Variants in KLHL11 observed in about 807,000 individuals in gnomAD.
The protein encoded by KLHL11 is kelch like family member 11, also known as kelch-like protein 11.
A neutral mutation model predicts 56.1 loss-of-function variants in KLHL11; 26 were observed. The observed-to-expected ratio is 0.46, with a 90% CI of 0.34 to 0.64. The LOEUF is 0.64. Among genes scored for constraint, KLHL11 ranks in the 30% least tolerant of loss-of-function variants. The pLI is 0.01. For missense variants in KLHL11, 627 were observed against 919.4 expected, an observed-to-expected ratio of 0.68 and a Z score of 4.11; for synonymous variants, 338 against 345.8, an observed-to-expected ratio of 0.98 and a Z score of 0.25.
intron 1 of KLHL11, among the ~76,000 whole-genome samples, chr17:41,862,076 T>C (rs1199903048): frequency 6.6e-6 from 1 of 151,778 alleles, no homozygotes; most frequent in Non-Finnish European, 1.5e-5. Context: ...ATGAGATCAG[T>C]CTCCTCTTTA....
chr17:41,855,340 GA>G lies in KLHL11; in HGVS notation c.546-20del. The G allele has an allele frequency of 6.7e-7, 1 of 1,501,310 alleles. No individual in the cohort carries two copies. Among genetic ancestry groups the G allele is most frequent in the Non-Finnish European group, 9.0e-7 (1 of 1,113,782 alleles). The allele number at this position is 1,501,310 out of a possible 1,614,324, so 93.0% of individuals were successfully genotyped here. A position where few individuals can be genotyped will look rare whatever the true frequency, so the allele number is the denominator to read the frequency against. On this transcript the variant is annotated intron_variant, in intron 1 of 1. Coordinates refer to ENST00000319121, the MANE Select transcript of KLHL11 (RefSeq NM_018143.3). ...TAGGAACCTAAAATCAAGAAAAAGA[GA>G]AAAGATTAATTTTTCAAATGTGCAT...
chr17:41,865,067 C>A lies in KLHL11; in HGVS notation c.304G>T (p.Gly102Trp), dbSNP rs1555623404. 3.1e-6 allele frequency: 5 copies of A among 1,594,250 alleles called. No homozygotes were observed. The highest frequency in any genetic ancestry group is 4.3e-6 in the Non-Finnish European group (5 of 1,168,094). Reference sequence around the variant, plus strand: ...GCCCGGAACTCGCGGCCTCCAGCCCCGCCGAAGCACAGGGTAATGTCGCAG... The same window carrying A: ...GCCCGGAACTCGCGGCCTCCAGCCCAGCCGAAGCACAGGGTAATGTCGCAG... ...LFCDITLCFGGAGGREFRAHR... is the reference protein window; with the variant it reads ...LFCDITLCFGWAGGREFRAHR... Residue 102 changes from glycine (G) to tryptophan (W), a missense_variant, in exon 1 of 2, where the codon GGG becomes TGG. Around this residue, in one of 4 missense-constraint regions of KLHL11, gnomAD observed 150 missense variants for 215.7 expected, o/e 0.70. Transcript: ENST00000319121.
In KLHL11 at chr17:41,853,414, CG is replaced by C; in HGVS notation, c.*325del. 1 of 215,342 alleles carries C rather than the reference CG, an allele frequency of 4.6e-6. No homozygotes were observed. Among genetic ancestry groups the C allele is most frequent in the Non-Finnish European group, 9.1e-6 (1 of 109,642 alleles). 13.3% of individuals were successfully genotyped at this position (215,342 alleles called of 1,614,324 possible). A position where few individuals can be genotyped will look rare whatever the true frequency, so the allele number is the denominator to read the frequency against. On this transcript the variant is annotated 3_prime_UTR_variant, in exon 2 of 2. Coordinates refer to ENST00000319121, the MANE Select transcript of KLHL11 (RefSeq NM_018143.3). ...ATTGGTGCTTAAAGCATGTTCAAAA[CG>C]TAAGTCCTCAAGACAAAGGAGTCAT...
intron 1 of KLHL11, 95 bp from the exon 2 acceptor site, chr17:41,855,416 C>A (rs1379426607): frequency 1.1e-6 from 1 of 905,326 alleles, no homozygotes; most frequent in Non-Finnish European, 1.6e-6. Flanking sequence ...TCTCACTCTG[C>A]CACCCAGGTT....
Position 41,855,015 on chromosome 17 carries a change from G to GT in KLHL11, c.851dup (p.Tyr284Ter), listed in dbSNP as rs1342314025. The GT allele has an allele frequency of 3.1e-6, 5 of 1,613,932 alleles. No individual in the cohort carries two copies. The highest frequency in any genetic ancestry group is 4.2e-6 in the Non-Finnish European group (5 of 1,179,898). ...VQRNAEERER[Y>*]FEELFKLLRL... is the part of the protein sequence containing the mutation. ...TGAGCAATTTAAAAAGTTCTTCAAAGTATCTCTCTCTCTCTTCAGCATTTC... is the reference window on the plus strand; with the variant it reads ...TGAGCAATTTAAAAAGTTCTTCAAAGTTATCTCTCTCTCTCTTCAGCATTTC... The change falls in exon 2 of 2, where the codon TAC becomes TAAC. Residue 284 changes from tyrosine (Y) to a stop codon, truncating the protein, a stop_gained and frameshift_variant. Coordinates refer to ENST00000319121, the MANE Select transcript of KLHL11 (RefSeq NM_018143.3). LOFTEE classifies it high-confidence loss of function.
chr17:41,854,410 G>A lies in KLHL11; in HGVS notation c.1457C>T (p.Ser486Leu), dbSNP rs782685633. ...GACATCTCGAAGAATCTTTGGTGCCGATTCCAAGTTGTGCCATTTATCAAG... is the reference window on the plus strand; with the variant it reads ...GACATCTCGAAGAATCTTTGGTGCCAATTCCAAGTTGTGCCATTTATCAAG... ...PELDKWHNLE[S>L]APKILRDVKA... The change falls in exon 2 of 2, where the codon TCG becomes TTG. Residue 486 changes from serine (S) to leucine (L), a missense_variant. Transcript: ENST00000319121. This position sits in a 1 kb window ranked among gnomAD's most constrained non-coding sequence, Gnocchi z 4.9. 7 of 1,614,066 alleles carry A rather than the reference G, an allele frequency of 4.3e-6. No individual in the cohort carries two copies. In the Admixed American group the frequency reaches 8.3e-5, roughly 19 times the overall value.
At position 41,855,206 on chromosome 17, in the gene KLHL11, C is replaced by T. The variant is rs1555622413; in HGVS notation, c.661G>A (p.Ala221Thr). The change falls in exon 2 of 2, where the codon GCT (alanine) becomes ACT (threonine). Residue 221 changes from alanine to threonine, a missense_variant. By Grantham distance (58) the Ala-to-Thr change is moderately conservative. This residue lies in a region of KLHL11 where 150 missense variants were observed against 215.7 expected (regional missense o/e 0.70). Coordinates refer to ENST00000319121, the MANE Select transcript of KLHL11 (RefSeq NM_018143.3). Reference protein sequence around the residue: ...LAHMYTLSQLALKAADMIRRN... With the variant: ...LAHMYTLSQLTLKAADMIRRN... ...CGTATCATATCAGCAGCCTTCAGAG[C>T]AAGTTGGCTCAGGGTGTACATGTGT... 1.2e-6 allele frequency: 2 copies of T among 1,614,084 alleles called. No individual in the cohort carries two copies. The highest frequency in any genetic ancestry group is 1.7e-5 in the Admixed American group (1 of 60,014).
chr17:41,851,578 G>C lies in KLHL11; in HGVS notation c.*2162C>G, dbSNP rs2048332216. On this transcript the variant is annotated 3_prime_UTR_variant, in exon 2 of 2. Transcript: ENST00000319121. ...GACTGCGCAACTGCACTCCAGCCAG[G>C]GCGACAAAGCGTGACTGTTTCAAAA... 1 of 151,394 alleles carries C rather than the reference G, an allele frequency of 6.6e-6. No individual in the cohort carries two copies. Among genetic ancestry groups the C allele is most frequent in the African/African-American group, 2.4e-5 (1 of 41,112 alleles). 9.4% of individuals were successfully genotyped at this position (151,394 alleles called of 1,614,324 possible). A position where few individuals can be genotyped will look rare whatever the true frequency, so the allele number is the denominator to read the frequency against.
chr17:41,863,417 G>A (rs2048417446), intron 1 of KLHL11, among the ~76,000 whole-genome samples: 1 of 151,894 alleles, frequency 6.6e-6, no homozygotes, highest in South Asian at 2.1e-4. Context: ...GGCTGGTCTC[G>A]AACTCCTGAC....
intron 1 of KLHL11, among the ~76,000 whole-genome samples, chr17:41,862,719 G>C (rs782625689): frequency 3.2e-4 from 49 of 152,148 alleles, no homozygotes; most frequent in Non-Finnish European, 6.2e-4. Flanking sequence ...ACATTCTAGA[G>C]AACCCCAGGG....
chr17:41,862,269 G>GT (rs1404152096), intron 1 of KLHL11, among the ~76,000 whole-genome samples: 2 of 143,054 alleles, frequency 1.4e-5, no homozygotes, highest in African/African-American at 5.2e-5. Flanking sequence ...TTGTATTTTT[G>GT]TATTTATTTA....
chr17:41,851,588 C>T lies in KLHL11; in HGVS notation c.*2152G>A, dbSNP rs1468595936. 1.4e-5 allele frequency: 2 copies of T among 147,576 alleles called. No individual in the cohort carries two copies. The highest frequency in any genetic ancestry group is 5.0e-5 in the African/African-American group (2 of 39,822). The allele number at this position is 147,576 out of a possible 1,614,324, so 9.1% of individuals were successfully genotyped here. ...CTGCACTCCAGCCAGGGCGACAAAG[C>T]GTGACTGTTTCAAAAAAAAAAAAAA... is the stretch of plus-strand genomic sequence containing the variant. On this transcript the variant is annotated 3_prime_UTR_variant, in exon 2 of 2. Coordinates refer to ENST00000319121, the MANE Select transcript of KLHL11 (RefSeq NM_018143.3).
At position 41,859,846 on chromosome 17, in the gene KLHL11, G is replaced by A. The variant is rs117571527; in HGVS notation, c.546-4525C>T. Among the ~76,000 whole-genome samples, 6 of 152,202 alleles carry A rather than the reference G, an allele frequency of 3.9e-5. No homozygotes were observed. The East Asian group carries it at 7.7e-4, about 20-fold the overall frequency. Reference sequence around the variant, plus strand: ...AGTTTAATTTAAAAAAACCACAATCGTTTCAGACAAATTCATAAATCTGGC... The same window carrying A: ...AGTTTAATTTAAAAAAACCACAATCATTTCAGACAAATTCATAAATCTGGC... On this transcript the variant is annotated intron_variant, in intron 1 of 1. Coordinates refer to ENST00000319121, the MANE Select transcript of KLHL11 (RefSeq NM_018143.3).
Position 41,865,322 on chromosome 17 carries a change from A to T in KLHL11, c.49T>A (p.Ser17Thr), listed in dbSNP as rs782643798. ...AAAAAAAAAA[S>T]LQVLEMESME... ...CTCTCCATCTCCAGTACCTGAAGAG[A>T]TGCAGCCGCGGCCGCCGCCGCCGCC... The change falls in exon 1 of 2, where the codon TCT (serine) becomes ACT (threonine). Residue 17 changes from serine (S) to threonine (T), a missense_variant. Around this residue, in one of 4 missense-constraint regions of KLHL11, gnomAD observed 121 missense variants for 116.2 expected, o/e 1.04. Transcript: ENST00000319121. 6.8e-7 allele frequency: 1 copy of T among 1,480,242 alleles called. No individual in the cohort carries two copies. Among genetic ancestry groups the T allele is most frequent in the Non-Finnish European group, 8.8e-7 (1 of 1,130,882 alleles). 91.7% of individuals were successfully genotyped at this position (1,480,242 alleles called of 1,614,324 possible). A position where few individuals can be genotyped will look rare whatever the true frequency, so the allele number is the denominator to read the frequency against.
chr17:41,856,346 T>C (rs2048366446), intron 1 of KLHL11, among the ~76,000 whole-genome samples: 1 of 152,112 alleles, frequency 6.6e-6, no homozygotes, highest in African/African-American at 2.4e-5. Context: ...CTCACTATAT[T>C]GTCTACACTG....
rs782757371 is a variant in KLHL11 at position 41,864,917 on chromosome 17, C to G, written c.454G>C (p.Asp152His). ...TACTCGATTACGGCTTCCACTGTGT[C>G]GGGTTCGGGCCCCGGCTCGGAGCTC... Reference protein sequence around the residue: ...KWSSEPGPEPDTVEAVIEYMY... With the variant: ...KWSSEPGPEPHTVEAVIEYMY... The change falls in exon 1 of 2, where the codon GAC becomes CAC. Residue 152 changes from aspartate to histidine, a missense_variant. Transcript: ENST00000319121. 4 of 1,610,532 alleles carry G rather than the reference C, an allele frequency of 2.5e-6. No individual in the cohort carries two copies. The African/African-American group carries it at 4.0e-5, about 16-fold the overall frequency.
Position 41,853,918 on chromosome 17 carries a change from G to C in KLHL11, c.1949C>G (p.Pro650Arg). Reference protein sequence around the residue: ...RWMLLPPMPQPRCRATACHVR... With the variant: ...RWMLLPPMPQRRCRATACHVR... ...GTGACAAGCAGTGGCTCTACAACGA[G>C]GTTGTGGCATAGGAGGAAGAAGCAT... Residue 650 changes from proline (P) to arginine (R), a missense_variant, in exon 2 of 2, where the codon CCT (proline) becomes CGT (arginine). Pro to Arg is a moderately radical substitution (Grantham distance 103, BLOSUM62 -2). Coordinates refer to ENST00000319121, the MANE Select transcript of KLHL11 (RefSeq NM_018143.3). The C allele has an allele frequency of 2.5e-6, 4 of 1,614,188 alleles. No homozygotes were observed. The highest frequency in any genetic ancestry group is 3.4e-6 in the Non-Finnish European group (4 of 1,180,036).
In KLHL11 at chr17:41,849,387, T is replaced by C. The variant is rs11653094; in HGVS notation, c.*4353A>G. 137,418 of 152,194 alleles carry C rather than the reference T, an allele frequency of 0.9. 62,181 individuals carry two copies. Among genetic ancestry groups the C allele is most frequent in the East Asian group, 1 (5,189 of 5,190 alleles). 9.4% of individuals were successfully genotyped at this position (152,194 alleles called of 1,614,324 possible). A position where few individuals can be genotyped will look rare whatever the true frequency, so the allele number is the denominator to read the frequency against. On this transcript the variant is annotated 3_prime_UTR_variant, in exon 2 of 2. Coordinates refer to ENST00000319121, the MANE Select transcript of KLHL11 (RefSeq NM_018143.3). ...TGTCTACATACAGTATAGTGTTGAC[T>C]TTAGAATTACAAAGCAGAAAATGAA...
chr17:41,858,491 G>A (rs2048382497), intron 1 of KLHL11, among the ~76,000 whole-genome samples: 1 of 151,422 alleles, frequency 6.6e-6, no homozygotes, highest in African/African-American at 2.4e-5. Context: ...GGAGTGCAAT[G>A]GCACAATCTT....
Sources: allele counts gnomAD v4.1 joint callset (sites outside exome capture counted in the v4.1 genomes callset), GRCh38; gene constraint gnomAD v4.1.1; regional missense constraint gnomAD v4.1.1; non-coding constraint Gnocchi (gnomAD v3.1); transcripts MANE v1.5; gene names NCBI Gene and HGNC (gene_info 2026-07-23, HGNC 2026-07-21).